The following TENM4 variants were observed in gnomAD, a reference collection of about 807,000 sequenced individuals.
TENM4 encodes the protein teneurin-4.
TENM4 carries 82 observed loss-of-function variants against 243.3 expected under a neutral mutation model. That is an observed-to-expected ratio of 0.34 (90% CI 0.28 to 0.40). TENM4 has a LOEUF of 0.40. Among genes scored for constraint, TENM4 ranks in the 10% least tolerant of loss-of-function variants. The pLI is 1.00. For missense variants in TENM4, 3,138 were observed against 3,673.3 expected (o/e 0.85, Z 3.77); for synonymous variants, 1,412 against 1,456.3 (o/e 0.97, Z 0.69).
chr11:78,775,827 A>G (rs117368900), intron 17 of TENM4, among the ~76,000 whole-genome samples: 2,519 of 152,302 alleles, frequency 0.017, 26 homozygotes, highest in African/African-American at 0.019. Flanking sequence ...AGCTTTTCAA[A>G]AGAAATGATG....
intron 2 of TENM4, among the ~76,000 whole-genome samples, chr11:79,246,987 A>C (rs878929082): frequency 2.7e-5 from 3 of 113,174 alleles, no homozygotes; most frequent in African/African-American, 1.4e-4. Context: ...GTATTTCTCA[A>C]AAAAAAAAAA....
chr11:78,762,814 G>GA (rs11459927), intron 18 of TENM4, among the ~76,000 whole-genome samples: 43,366 of 151,948 alleles, frequency 0.29, 8,164 homozygotes, highest in African/African-American at 0.53. Flanking sequence ...GTTCTACAGT[G>GA]AGGGGGAATG....
chr11:79,141,033 C>T (rs1862276277), intron 4 of TENM4, among the ~76,000 whole-genome samples: 1 of 151,996 alleles, frequency 6.6e-6, no homozygotes, highest in Non-Finnish European at 1.5e-5. Context: ...TAGACGGAGC[C>T]TATTAATGTG....
chr11:78,799,098 C>G (rs943782076), intron 15 of TENM4, among the ~76,000 whole-genome samples: 1 of 152,160 alleles, frequency 6.6e-6, no homozygotes, highest in Non-Finnish European at 1.5e-5. Flanking sequence ...GGGGTGCTCT[C>G]TCTGAGGAGG....
intron 20 of TENM4, among the ~76,000 whole-genome samples, chr11:78,737,805 G>A (rs1389069557): frequency 1.3e-5 from 2 of 152,202 alleles, no homozygotes; most frequent in Non-Finnish European, 2.9e-5. Flanking sequence ...ATGAATCAAA[G>A]TGGGGTGGGG....
chr11:79,189,497 A>G (rs1440231711), intron 3 of TENM4, among the ~76,000 whole-genome samples: 1 of 152,218 alleles, frequency 6.6e-6, no homozygotes. Context: ...AGCATACAGT[A>G]GGTGTTCATC....
intron 17 of TENM4, 126 bp downstream of exon 17, chr11:78,778,476 G>T: frequency 2.9e-6 from 3 of 1,026,794 alleles, no homozygotes; most frequent in Non-Finnish European, 4.3e-6. Context: ...AACTGGGGAT[G>T]CATTAGCTTC....
intron 9 of TENM4, 100 bp downstream of exon 9, chr11:78,889,685 C>G: frequency 7.7e-7 from 1 of 1,306,868 alleles, no homozygotes; most frequent in East Asian, 2.5e-5. Flanking sequence ...CGTGCTTTGC[C>G]TGCCATGCTA....
intron 4 of TENM4, among the ~76,000 whole-genome samples, chr11:79,147,187 T>C (rs1249034164): frequency 5.9e-5 from 9 of 152,060 alleles, no homozygotes; most frequent in Non-Finnish European, 7.4e-5. Flanking sequence ...AAGGCACATA[T>C]ATTTGTAGGA....
chr11:79,145,277 A>T (rs1291671888), intron 4 of TENM4, among the ~76,000 whole-genome samples: 1 of 152,048 alleles, frequency 6.6e-6, no homozygotes, highest in Non-Finnish European at 1.5e-5. Context: ...GGTACATATC[A>T]TAAATGAATA....
chr11:79,106,649 G>T (rs913989627), intron 4 of TENM4, among the ~76,000 whole-genome samples: 4 of 152,214 alleles, frequency 2.6e-5, no homozygotes, highest in African/African-American at 9.6e-5. Flanking sequence ...TGTGCTCTTT[G>T]ATGTCAGCTG....
At position 78,662,474 on chromosome 11, in the gene TENM4, C is replaced by T. The variant is rs774303072; in HGVS notation, c.7409-883G>A. Among the ~76,000 whole-genome samples, 43 of 152,152 alleles carry T rather than the reference C, an allele frequency of 2.8e-4. 1 individual carries two copies. The highest frequency in any genetic ancestry group is 5.9e-4 in the Non-Finnish European group (40 of 68,026). On this transcript the variant is annotated intron_variant, in intron 32 of 33. Coordinates refer to ENST00000278550, the MANE Select transcript of TENM4 (RefSeq NM_001098816.3). ...GAGTGCTGGGATTACAGGTGTGAGCCACCGTGCCCGGCCACCTTCATTTTC... is the reference window on the plus strand; with the variant it reads ...GAGTGCTGGGATTACAGGTGTGAGCTACCGTGCCCGGCCACCTTCATTTTC...
Position 78,701,790 on chromosome 11 carries a change from T to A in TENM4, c.4823A>T (p.Tyr1608Phe). ...TQSLPTGDYL[Y>F]NFTYTGDGDI... ...GCCGTCCCCAGTGTAGGTGAAGTTGTACAGGTAGTCTCCTGTGGGCAGGCT... is the reference window on the plus strand; with the variant it reads ...GCCGTCCCCAGTGTAGGTGAAGTTGAACAGGTAGTCTCCTGTGGGCAGGCT... Residue 1608 changes from tyrosine to phenylalanine, a missense_variant, in exon 28 of 34, where the codon TAC becomes TTC. Coordinates refer to ENST00000278550, the MANE Select transcript of TENM4 (RefSeq NM_001098816.3). 1 of 1,614,028 alleles carries A rather than the reference T, an allele frequency of 6.2e-7. No homozygotes were observed. Among genetic ancestry groups the A allele is most frequent in the Non-Finnish European group, 8.5e-7 (1 of 1,179,888 alleles).
chr11:78,701,356 C>T (rs1859096153), intron 28 of TENM4, among the ~76,000 whole-genome samples, 170 bp downstream of exon 28: 1 of 152,196 alleles, frequency 6.6e-6, no homozygotes, highest in African/African-American at 2.4e-5. Flanking sequence ...TCCACTAGAC[C>T]ATTTCCTTCC....
chr11:78,914,865 G>A (rs1263013542), intron 6 of TENM4, among the ~76,000 whole-genome samples: 2 of 152,228 alleles, frequency 1.3e-5, no homozygotes, highest in Admixed American at 1.3e-4. Context: ...CTGGTGGAGA[G>A]TCAGGCCAGG....
At chr11:79,345,157 C>A (rs890047312) in intron 1 of TENM4, among the ~76,000 whole-genome samples, 2 of 152,202 alleles carry the variant, frequency 1.3e-5, no homozygotes, top group Admixed American at 6.5e-5. Context: ...TTACCCACCC[C>A]CTTTGGTGTT....
rs569115899 is a variant in TENM4, at chr11:79,158,260, C to T, written c.-162-9454G>A. On this transcript the variant is annotated intron_variant, in intron 3 of 33. Transcript: ENST00000278550. Reference sequence around the variant, plus strand: ...GACACTTAAGCTTTTCTGGCCACACCAGAACATTTTGGTAAATTTCCTTTA... The same window carrying T: ...GACACTTAAGCTTTTCTGGCCACACTAGAACATTTTGGTAAATTTCCTTTA... 1.6e-4 allele frequency among the ~76,000 whole-genome samples: 24 copies of T among 152,254 alleles called. 1 individual carries two copies. Among genetic ancestry groups the T allele is most frequent in the African/African-American group, 5.8e-4 (24 of 41,562 alleles).
intron 1 of TENM4, among the ~76,000 whole-genome samples, chr11:79,436,393 C>A (rs778569238): frequency 8.5e-5 from 13 of 152,050 alleles, no homozygotes; most frequent in Non-Finnish European, 1.8e-4. Context: ...TAATATTGTG[C>A]CATTTTACAG....
intron 1 of TENM4, among the ~76,000 whole-genome samples, chr11:79,308,097 G>A: frequency 6.6e-6 from 1 of 152,206 alleles, no homozygotes; most frequent in South Asian, 2.1e-4. Context: ...GGGTGGAGAG[G>A]CCGGAGGCAG....
Sources: gnomAD v4.1 joint callset for allele counts (sites outside exome capture counted in the v4.1 genomes callset) on GRCh38, gnomAD v4.1.1 for gene constraint, MANE v1.5 for transcripts, NCBI Gene and HGNC (gene_info 2026-07-23, HGNC 2026-07-21) for gene names.